Variants in KPNA1 observed in about 807,000 individuals in gnomAD.
The protein encoded by KPNA1 is importin subunit alpha-5.
In KPNA1, 10 loss-of-function variants were observed where a neutral mutation model predicts 70.5. That is an observed-to-expected ratio of 0.14 (90% CI 0.09 to 0.24). KPNA1 has a LOEUF of 0.24. Ranked by LOEUF, KPNA1 falls within the 10% of genes least tolerant of loss-of-function variation. The pLI, the probability that KPNA1 is intolerant of heterozygous loss-of-function variation, is 1.00. For missense variants in KPNA1, 397 were observed against 637.9 expected, an observed-to-expected ratio of 0.62 and a Z score of 4.07; for synonymous variants, 192 against 221.9, an observed-to-expected ratio of 0.87 and a Z score of 1.20.
chr3:122,446,613 T>C (rs2076142252), intron 9 of KPNA1, among the ~76,000 whole-genome samples: 1 of 152,024 alleles, frequency 6.6e-6, no homozygotes, highest in African/African-American at 2.4e-5. Flanking sequence ...TTAAAAGAAC[T>C]AGAGAAGCAA....
chr3:122,503,807 TC>T (rs1469283868), intron 1 of KPNA1, among the ~76,000 whole-genome samples: 1 of 152,182 alleles, frequency 6.6e-6, no homozygotes, highest in Non-Finnish European at 1.5e-5. Context: ...ATTACCCCTT[TC>T]CAATTCTATT....
At chr3:122,492,002 C>T (rs1231640231) in intron 2 of KPNA1, among the ~76,000 whole-genome samples, 1 of 151,152 alleles carries the variant, frequency 6.6e-6, no homozygotes, top group Non-Finnish European at 1.5e-5. Context: ...GCTGGGACTA[C>T]AGGCGCGCGC....
At chr3:122,481,662 G>A (rs963430865) in intron 2 of KPNA1, among the ~76,000 whole-genome samples, 1 of 152,224 alleles carries the variant, frequency 6.6e-6, no homozygotes, top group Admixed American at 6.5e-5. Flanking sequence ...CTTCAAGTGG[G>A]TGAATTGTAC....
At chr3:122,492,939 G>A (rs2076716262) in intron 2 of KPNA1, among the ~76,000 whole-genome samples, 1 of 152,140 alleles carries the variant, frequency 6.6e-6, no homozygotes, top group Admixed American at 6.5e-5. Flanking sequence ...ATATACATAT[G>A]CTTTATCTTG....
At chr3:122,514,606 G>A (rs1475184130) in intron 1 of KPNA1, 151 bp downstream of exon 1, 1 of 151,946 alleles carries the variant, frequency 6.6e-6, no homozygotes, top group African/African-American at 2.4e-5. Flanking sequence ...GTGACGCACG[G>A]ACGCGGCGCG....
At chr3:122,480,240 T>C (rs1054214010) in intron 2 of KPNA1, among the ~76,000 whole-genome samples, 4 of 152,002 alleles carry the variant, frequency 2.6e-5, no homozygotes, top group Admixed American at 6.6e-5. Context: ...ACCCACAGAA[T>C]GCACAACACC....
chr3:122,449,576 C>G lies in KPNA1; in HGVS notation c.915G>C (p.Leu305=). 6.2e-7 allele frequency: 1 copy of G among 1,607,308 alleles called. No homozygotes were observed. The highest frequency in any genetic ancestry group is 1.1e-5 in the South Asian group (1 of 89,494). ...ACACTTTCTAAAAGATATCTTACATCAGCAGTTCCACAAGTCTCCTACATA... is the reference window on the plus strand; with the variant it reads ...ACACTTTCTAAAAGATATCTTACATGAGCAGTTCCACAAGTCTCCTACATA... The part of the protein sequence containing the change: ...AGVCRRLVEL[L]MHNDYKVVSP... Residue 305 remains leucine (L), a splice_region_variant and synonymous_variant, in exon 9 of 14, where the codon CTG becomes CTC. Transcript: ENST00000344337.
chr3:122,460,274 A>T (rs758556823), intron 5 of KPNA1: 1 of 979,082 alleles, frequency 1.0e-6, no homozygotes, highest in African/African-American at 1.8e-5. Context: ...ATCCAGGGGG[A>T]AAAAAAATAG....
At chr3:122,476,545 T>C (rs1204282765) in intron 2 of KPNA1, among the ~76,000 whole-genome samples, 2 of 152,018 alleles carry the variant, frequency 1.3e-5, no homozygotes, top group African/African-American at 2.4e-5. Context: ...ATCCAAAATA[T>C]ATAAGGAACT....
chr3:122,495,262 C>CAAAAAAAAAAAAAAAAAAAAAAAAAAA (rs748751423), intron 2 of KPNA1, among the ~76,000 whole-genome samples: 3 of 86,454 alleles, frequency 3.5e-5, no homozygotes, highest in African/African-American at 8.5e-5. Flanking sequence ...TCAAACAAAC[C>CAAAAAAAAAAAAAAAAAAAAAAAAAAA]AAAAAAAAAA....
intron 2 of KPNA1, among the ~76,000 whole-genome samples, chr3:122,494,090 A>G (rs891399463): frequency 6.6e-6 from 1 of 152,062 alleles, no homozygotes; most frequent in East Asian, 1.9e-4. Context: ...ACTTTCTCCC[A>G]TTCTGTAGGT....
chr3:122,457,966 T>A, intron 5 of KPNA1: 2 of 870,014 alleles, frequency 2.3e-6, no homozygotes, highest in Non-Finnish European at 3.1e-6. Context: ...GAGAGATCAA[T>A]GAAGATGGGA....
intron 2 of KPNA1, among the ~76,000 whole-genome samples, chr3:122,493,618 C>A (rs762120175): frequency 3.3e-5 from 5 of 152,190 alleles, no homozygotes; most frequent in Non-Finnish European, 7.3e-5. Context: ...GAAAACCAGC[C>A]TGGTAAATCC....
In KPNA1 at chr3:122,485,450, T is replaced by C. The variant is rs138271447; in HGVS notation, c.129+10987A>G. 1.2e-3 allele frequency among the ~76,000 whole-genome samples: 145 copies of C among 118,484 alleles called. 2 individuals carry two copies. In the East Asian group the frequency reaches 0.024, roughly 20 times the overall value. 77.7% of individuals were successfully genotyped at this position (118,484 alleles called of 152,430 possible). A position where few individuals can be genotyped will look rare whatever the true frequency, so the allele number is the denominator to read the frequency against. On this transcript the variant is annotated intron_variant, in intron 2 of 13. Transcript: ENST00000344337. Reference sequence around the variant, plus strand: ...TGGCACCTGAACGACTGGATAGCCATATGCCAAAAAAAAAAAAAAGAACCC... The same window carrying C: ...TGGCACCTGAACGACTGGATAGCCACATGCCAAAAAAAAAAAAAAGAACCC...
chr3:122,484,095 C>A (rs2076602243), intron 2 of KPNA1, among the ~76,000 whole-genome samples: 3 of 152,106 alleles, frequency 2.0e-5, no homozygotes, highest in African/African-American at 7.2e-5. Context: ...TGTTAATGTA[C>A]TGCAAAAGAT....
chr3:122,488,730 A>G (rs2076659145), intron 2 of KPNA1, among the ~76,000 whole-genome samples: 1 of 152,178 alleles, frequency 6.6e-6, no homozygotes, highest in African/African-American at 2.4e-5. Flanking sequence ...GTTTACAACG[A>G]GAACTGTGAT....
At chr3:122,462,898 C>A (rs922033544) in intron 4 of KPNA1, among the ~76,000 whole-genome samples, 20 of 152,056 alleles carry the variant, frequency 1.3e-4, no homozygotes, top group African/African-American at 4.1e-4. Context: ...TAACAAGTAT[C>A]AGATTCCATT....
At chr3:122,453,816 G>A (rs190744382) in intron 6 of KPNA1, 54 bp downstream of exon 6, 21 of 1,555,680 alleles carry the variant, frequency 1.3e-5, no homozygotes, top group African/African-American at 5.5e-5. Flanking sequence ...AGGAGTGAGC[G>A]ACATGCCCAG....
At chr3:122,460,070 TC>T in intron 5 of KPNA1, 4 of 985,408 alleles carry the variant, frequency 4.1e-6, no homozygotes, top group Non-Finnish European at 4.8e-6. Flanking sequence ...AGAAAGATAA[TC>T]CCATTTTGTG....
Sources: gnomAD v4.1 joint callset for allele counts (sites outside exome capture counted in the v4.1 genomes callset) on GRCh38, gnomAD v4.1.1 for gene constraint, MANE v1.5 for transcripts, NCBI Gene and HGNC (gene_info 2026-07-23, HGNC 2026-07-21) for gene names.